SYNDIG1: variants seen among roughly 807,000 people sequenced by gnomAD.
SYNDIG1 encodes synapse differentiation-inducing gene protein 1.
SYNDIG1 carries 9 observed loss-of-function variants against 19.4 expected under a neutral mutation model. The observed-to-expected ratio is 0.46, with a 90% CI of 0.28 to 0.81. The LOEUF (loss-of-function observed/expected upper bound fraction) is 0.81. Among genes scored for constraint, SYNDIG1 ranks in the 30% least tolerant of loss-of-function variants. The pLI, the probability that SYNDIG1 is intolerant of heterozygous loss-of-function variation, is 0.12. For missense variants in SYNDIG1, 311 were observed against 343.3 expected (o/e 0.91, Z 0.74); for synonymous variants, 141 against 145.9 (o/e 0.97, Z 0.24).
intron 2 of SYNDIG1, among the ~76,000 whole-genome samples, chr20:24,558,166 A>G (rs1168832734): frequency 6.6e-6 from 1 of 152,166 alleles, no homozygotes; most frequent in East Asian, 1.9e-4. Context: ...CTACTTTTTG[A>G]AAGGCCTGGG....
At chr20:24,568,638 C>T (rs758910318) in intron 2 of SYNDIG1, among the ~76,000 whole-genome samples, 1 of 152,188 alleles carries the variant, frequency 6.6e-6, no homozygotes, top group Non-Finnish European at 1.5e-5. Context: ...TCCTGATCAC[C>T]TCCGTGGATC....
chr20:24,497,160 CTT>C (rs1171652675), intron 1 of SYNDIG1, among the ~76,000 whole-genome samples: 1 of 152,074 alleles, frequency 6.6e-6, no homozygotes, highest in Non-Finnish European at 1.5e-5. Context: ...CTGCTTCTCT[CTT>C]TTTCTTTTCT....
chr20:24,474,881 G>T lies in SYNDIG1; in HGVS notation c.-79+5128G>T, dbSNP rs184654858. Among the ~76,000 whole-genome samples, 338 of 152,262 alleles carry T rather than the reference G, an allele frequency of 2.2e-3. 1 individual carries two copies. The highest frequency in any genetic ancestry group is 3.7e-3 in the Admixed American group (56 of 15,296). ...TTCCTCTATTTCAGAAAACTTCAGT[G>T]CCCAAAACAAAACCAGAAAGCAAAC... On this transcript the variant is annotated intron_variant, in intron 1 of 3. Transcript: ENST00000376862.
At chr20:24,570,289 G>T (rs993830273) in intron 2 of SYNDIG1, among the ~76,000 whole-genome samples, 3 of 152,188 alleles carry the variant, frequency 2.0e-5, no homozygotes, top group Admixed American at 2.0e-4. Flanking sequence ...ATAAAAGAAA[G>T]AATAGACAAA....
chr20:24,479,425 C>G (rs1168465003), intron 1 of SYNDIG1, among the ~76,000 whole-genome samples: 1 of 152,154 alleles, frequency 6.6e-6, no homozygotes, highest in Non-Finnish European at 1.5e-5. Context: ...CTGTCCCTAC[C>G]CCTTACCCAA....
intron 2 of SYNDIG1, among the ~76,000 whole-genome samples, chr20:24,559,575 C>T (rs548613017): frequency 6.6e-6 from 1 of 152,202 alleles, no homozygotes; most frequent in East Asian, 1.9e-4. Flanking sequence ...CAGGGCTCTC[C>T]GTCTTTTCCT....
intron 2 of SYNDIG1, among the ~76,000 whole-genome samples, chr20:24,557,395 T>A (rs1236720172): frequency 6.6e-6 from 1 of 152,208 alleles, no homozygotes; most frequent in Non-Finnish European, 1.5e-5. Flanking sequence ...TTTTTAGAGT[T>A]TCCAGTCTTT....
intron 3 of SYNDIG1, among the ~76,000 whole-genome samples, chr20:24,625,214 T>A (rs1332469460): frequency 6.6e-6 from 1 of 151,564 alleles, no homozygotes; most frequent in Non-Finnish European, 1.5e-5. Context: ...ACGGGAAAAA[T>A]GTAGAGAAAA....
Position 24,610,347 on chromosome 20 carries a change from G to A in SYNDIG1, c.618+25354G>A, listed in dbSNP as rs184261620. On this transcript the variant is annotated intron_variant, in intron 3 of 3. Transcript: ENST00000376862. ...GAGTGTGAAAACCAAAAGGGATATT[G>A]TAAGTGGTCATTCTTCATTCCAGAG... is the stretch of plus-strand genomic sequence containing the variant. Among the ~76,000 whole-genome samples the A allele has an allele frequency of 2.9e-3, 436 of 152,312 alleles. 1 individual carries two copies. The highest frequency in any genetic ancestry group is 6.8e-3 in the Middle Eastern group (2 of 294).
intron 2 of SYNDIG1, among the ~76,000 whole-genome samples, chr20:24,552,889 A>C (rs2057734325): frequency 6.6e-6 from 1 of 152,192 alleles, no homozygotes. Context: ...CGCCACACTG[A>C]AATCCACAAT....
chr20:24,596,038 G>A (rs1039458614), intron 3 of SYNDIG1, among the ~76,000 whole-genome samples: 4 of 152,050 alleles, frequency 2.6e-5, no homozygotes, highest in Non-Finnish European at 4.4e-5. Flanking sequence ...GTTCTTCTAC[G>A]TGTAATGTTA....
At chr20:24,631,837 A>G (rs1196386655) in intron 3 of SYNDIG1, among the ~76,000 whole-genome samples, 1 of 152,242 alleles carries the variant, frequency 6.6e-6, no homozygotes, top group Non-Finnish European at 1.5e-5. Context: ...GAGTTGTAAT[A>G]AAATAAGCTT....
rs140393857 is a variant in SYNDIG1 at position 24,558,421 on chromosome 20, C to T, written c.480+14844C>T. Among the ~76,000 whole-genome samples the T allele has an allele frequency of 7.1e-3, 1,082 of 152,216 alleles. 15 individuals carry two copies. The highest frequency in any genetic ancestry group is 0.024 in the African/African-American group (1,005 of 41,540). On this transcript the variant is annotated intron_variant, in intron 2 of 3. Coordinates refer to ENST00000376862, the MANE Select transcript of SYNDIG1 (RefSeq NM_024893.3). ...GTATCTTTTCCTATCCTTTTACTTA[C>T]AATTGATTTTTGTAAATAGAAGGGA...
intron 3 of SYNDIG1, among the ~76,000 whole-genome samples, chr20:24,661,141 G>C (rs554352949): frequency 6.6e-6 from 1 of 152,202 alleles, no homozygotes; most frequent in East Asian, 1.9e-4. Context: ...ATCTAAATTT[G>C]TTCTGCTCTC....
At chr20:24,622,134 C>T (rs897763414) in intron 3 of SYNDIG1, among the ~76,000 whole-genome samples, 11 of 152,036 alleles carry the variant, frequency 7.2e-5, no homozygotes, top group African/African-American at 1.9e-4. Context: ...ATGTGAAAGA[C>T]GTTGATGGAA....
At chr20:24,593,021 C>T (rs532593840) in intron 3 of SYNDIG1, among the ~76,000 whole-genome samples, 1 of 152,182 alleles carries the variant, frequency 6.6e-6, no homozygotes, top group Non-Finnish European at 1.5e-5. Context: ...AGGACTTCAG[C>T]TCAACGTCCA....
At chr20:24,512,969 A>C (rs1363672578) in intron 1 of SYNDIG1, among the ~76,000 whole-genome samples, 2 of 149,124 alleles carry the variant, frequency 1.3e-5, no homozygotes, top group East Asian at 1.9e-4. Flanking sequence ...GCTGTTCTGC[A>C]ATATTTGCTG....
chr20:24,509,725 G>A (rs567378126), intron 1 of SYNDIG1, among the ~76,000 whole-genome samples: 8 of 152,286 alleles, frequency 5.3e-5, no homozygotes, highest in Admixed American at 4.6e-4. Context: ...TTAAATAGGT[G>A]TAGAATTCTA....
At chr20:24,664,555 C>T (rs561883491) in intron 3 of SYNDIG1, among the ~76,000 whole-genome samples, 12 of 152,238 alleles carry the variant, frequency 7.9e-5, no homozygotes, top group African/African-American at 2.4e-4. Flanking sequence ...CATTTTACTC[C>T]GGTGATCCCT....
Sources: allele counts gnomAD v4.1 joint callset (sites outside exome capture counted in the v4.1 genomes callset), GRCh38; gene constraint gnomAD v4.1.1; transcripts MANE v1.5; gene names NCBI Gene and HGNC (gene_info 2026-07-23, HGNC 2026-07-21).